Variants in UBE2R2 observed in about 807,000 individuals in gnomAD.
UBE2R2 encodes the protein ubiquitin-conjugating enzyme E2 R2.
Under a neutral mutation model 27.8 loss-of-function variants are expected in UBE2R2, and 1 was observed. The observed-to-expected ratio is 0.04, with a 90% CI of 0.01 to 0.17. UBE2R2 has a LOEUF of 0.17. Among genes scored for constraint, UBE2R2 ranks in the 10% least tolerant of loss-of-function variants. The pLI is 1.00. For synonymous variants in UBE2R2, 106 were observed against 113.3 expected (o/e 0.94, Z 0.41); for missense variants, 100 against 291.0 (o/e 0.34, Z 4.78).
chr9:33,900,763 C>T (rs1428814652), intron 3 of UBE2R2, among the ~76,000 whole-genome samples: 1 of 151,996 alleles, frequency 6.6e-6, no homozygotes, highest in Non-Finnish European at 1.5e-5. Context: ...GAGATGGGGT[C>T]TCACTAAGTT....
chr9:33,892,180 C>A (rs1418107954), intron 2 of UBE2R2, among the ~76,000 whole-genome samples: 1 of 151,990 alleles, frequency 6.6e-6, no homozygotes, highest in African/African-American at 2.4e-5. Flanking sequence ...CAATCTATTT[C>A]CTTTCTGTTT....
chr9:33,893,600 G>T (rs1291317346), intron 2 of UBE2R2, among the ~76,000 whole-genome samples: 2 of 152,070 alleles, frequency 1.3e-5, no homozygotes, highest in Non-Finnish European at 2.9e-5. Context: ...GAATTGTGGG[G>T]TTAAATGGGA....
intron 4 of UBE2R2, 46 bp from the exon 5 acceptor site, chr9:33,916,972 A>T (rs753109990): frequency 3.8e-6 from 6 of 1,599,978 alleles, no homozygotes; most frequent in African/African-American, 2.7e-5. Flanking sequence ...AATCTGTCTT[A>T]AAAAAAGACT....
chr9:33,864,225 T>G (rs984443971), intron 1 of UBE2R2, among the ~76,000 whole-genome samples: 1 of 152,160 alleles, frequency 6.6e-6, no homozygotes, highest in Non-Finnish European at 1.5e-5. Flanking sequence ...AAGGAAAAAC[T>G]TCTTAGCACT....
At chr9:33,860,904 C>T (rs548144117) in intron 1 of UBE2R2, among the ~76,000 whole-genome samples, 1 of 149,746 alleles carries the variant, frequency 6.7e-6, no homozygotes, top group East Asian at 2.0e-4. Context: ...ACCCTCCCCA[C>T]CCCCTCCCCA....
chr9:33,870,461 T>A (rs1587458963), intron 1 of UBE2R2, among the ~76,000 whole-genome samples: 2 of 152,204 alleles, frequency 1.3e-5, no homozygotes, highest in Middle Eastern at 6.8e-3. Flanking sequence ...TATAATGTAC[T>A]ATGTTTGGGG....
At chr9:33,891,919 G>C (rs1333391190) in intron 2 of UBE2R2, among the ~76,000 whole-genome samples, 1 of 152,150 alleles carries the variant, frequency 6.6e-6, no homozygotes, top group African/African-American at 2.4e-5. Flanking sequence ...TGTAGTCCCA[G>C]CTACTTGGAA....
At chr9:33,843,139 C>T (rs1447632010) in intron 1 of UBE2R2, among the ~76,000 whole-genome samples, 1 of 150,656 alleles carries the variant, frequency 6.6e-6, no homozygotes, top group African/African-American at 2.4e-5. Flanking sequence ...CCTCCACCTC[C>T]TGGGGGTGAA....
chr9:33,891,241 A>G (rs910340328), intron 2 of UBE2R2, among the ~76,000 whole-genome samples: 5 of 151,744 alleles, frequency 3.3e-5, no homozygotes, highest in East Asian at 2.0e-4. Context: ...GCCGTTTTAC[A>G]TCTTGGCCAG....
chr9:33,900,125 G>A (rs1338921319), intron 2 of UBE2R2, 49 bp from the exon 3 acceptor site: 2 of 1,467,632 alleles, frequency 1.4e-6, no homozygotes, highest in South Asian at 1.2e-5. Context: ...GTCCCTTTTT[G>A]TACATCACTT....
At chr9:33,820,270 G>C (rs1825956276) in intron 1 of UBE2R2, among the ~76,000 whole-genome samples, 1 of 152,220 alleles carries the variant, frequency 6.6e-6, no homozygotes, top group Non-Finnish European at 1.5e-5. Flanking sequence ...AAATGCTTCT[G>C]AACTTCAGTC....
chr9:33,912,306 A>T (rs1587485584), intron 4 of UBE2R2, among the ~76,000 whole-genome samples: 1 of 152,112 alleles, frequency 6.6e-6, no homozygotes, highest in East Asian at 1.9e-4. Context: ...AGGCAGTAGC[A>T]GACCTGATTT....
At chr9:33,879,568 C>T (rs544043326) in intron 1 of UBE2R2, among the ~76,000 whole-genome samples, 1 of 151,402 alleles carries the variant, frequency 6.6e-6, no homozygotes, top group East Asian at 2.0e-4. Flanking sequence ...ATTTTCCCAC[C>T]TCAGCCTCCT....
chr9:33,894,731 TA>T (rs976470945), intron 2 of UBE2R2, among the ~76,000 whole-genome samples: 1 of 152,138 alleles, frequency 6.6e-6, no homozygotes, highest in African/African-American at 2.4e-5. Context: ...TCCATCACTA[TA>T]AAAAAAATTT....
chr9:33,892,527 A>G (rs1217395356), intron 2 of UBE2R2, among the ~76,000 whole-genome samples: 7 of 152,130 alleles, frequency 4.6e-5, no homozygotes, highest in African/African-American at 1.7e-4. Context: ...AAGTTCCTCT[A>G]TGGGGTTATA....
chr9:33,902,380 C>G (rs1822262923), intron 3 of UBE2R2, among the ~76,000 whole-genome samples: 1 of 152,100 alleles, frequency 6.6e-6, no homozygotes, highest in South Asian at 2.1e-4. Context: ...AGAATAATAC[C>G]TACCTCAGTA....
intron 1 of UBE2R2, among the ~76,000 whole-genome samples, chr9:33,875,002 CTT>C (rs112682221): frequency 6.9e-5 from 10 of 144,678 alleles, no homozygotes; most frequent in Non-Finnish European, 7.6e-5. Flanking sequence ...TTTGTTTTAC[CTT>C]TTTTTTTTTT....
At chr9:33,867,466 A>T (rs1187871774) in intron 1 of UBE2R2, among the ~76,000 whole-genome samples, 3 of 152,178 alleles carry the variant, frequency 2.0e-5, no homozygotes, top group Non-Finnish European at 4.4e-5. Flanking sequence ...TAGGCTACAT[A>T]TATGTACAGG....
intron 1 of UBE2R2, chr9:33,868,490 G>T (rs1388558289): frequency 6.6e-6 from 1 of 151,970 alleles, no homozygotes; most frequent in African/African-American, 2.4e-5. Context: ...AAGATTTGTA[G>T]TTGGCAGACT....
Sources: allele counts gnomAD v4.1 joint callset (sites outside exome capture counted in the v4.1 genomes callset), GRCh38; gene constraint gnomAD v4.1.1; transcripts MANE v1.5; gene names NCBI Gene and HGNC (gene_info 2026-07-23, HGNC 2026-07-21).